ABRAXAS2: variants seen among roughly 807,000 people sequenced by gnomAD.
ABRAXAS2 encodes the protein abraxas 2, BRISC complex subunit, also known as BRISC complex subunit Abraxas 2.
In ABRAXAS2, 23 loss-of-function variants were observed where a neutral mutation model predicts 49.0. The observed-to-expected ratio is 0.47, with a 90% CI of 0.34 to 0.66. ABRAXAS2 has a LOEUF of 0.66. Among genes scored for constraint, ABRAXAS2 ranks in the 30% least tolerant of loss-of-function variants. The pLI is 0.01. For synonymous variants in ABRAXAS2, 168 were observed against 180.2 expected (o/e 0.93, Z 0.54); for missense variants, 443 against 511.9 (o/e 0.87, Z 1.30).
intron 2 of ABRAXAS2, among the ~76,000 whole-genome samples, chr10:124,811,951 A>G (rs189159336): frequency 1.3e-5 from 2 of 151,964 alleles, no homozygotes; most frequent in Admixed American, 6.6e-5. Flanking sequence ...CTAATTTTGT[A>G]TTTTTAGGAG....
Position 124,827,750 on chromosome 10 carries a change from C to CA in ABRAXAS2, c.458+980dup, listed in dbSNP as rs11306353. Among the ~76,000 whole-genome samples the CA allele has an allele frequency of 5.9e-3, 682 of 115,192 alleles. 1 individual carries two copies. Among genetic ancestry groups the CA allele is most frequent in the Non-Finnish European group, 5.8e-3 (308 of 53,484 alleles). 75.6% of individuals were successfully genotyped at this position (115,192 alleles called of 152,430 possible). A position where few individuals can be genotyped will look rare whatever the true frequency, so the allele number is the denominator to read the frequency against. On this transcript the variant is annotated intron_variant, in intron 5 of 8. Coordinates refer to ENST00000298492, the MANE Select transcript of ABRAXAS2 (RefSeq NM_032182.4). ...GTTTTGCATCGTGAACTTGTTAAAC[C>CA]AAAAAAAAAAAAAAACCACCCCTAT...
At chr10:124,825,707 G>T (rs1375243958) in intron 4 of ABRAXAS2, among the ~76,000 whole-genome samples, 1 of 152,098 alleles carries the variant, frequency 6.6e-6, no homozygotes, top group Non-Finnish European at 1.5e-5. Context: ...ACTCAGAGTT[G>T]GTTTCAAAGA....
At chr10:124,819,491 C>G in intron 4 of ABRAXAS2, 41 bp downstream of exon 4, 4 of 1,536,708 alleles carry the variant, frequency 2.6e-6, no homozygotes, top group African/African-American at 1.4e-5. Flanking sequence ...TGAAATCGTT[C>G]CTTATCACCG....
intron 2 of ABRAXAS2, among the ~76,000 whole-genome samples, chr10:124,812,432 G>A (rs115851916): frequency 0.01 from 1,554 of 152,218 alleles, 26 homozygotes; most frequent in African/African-American, 0.036. Context: ...ATTGCTTGAG[G>A]CCAGGAGTTC....
chr10:124,833,174 A>G (rs1261333855), intron 8 of ABRAXAS2, among the ~76,000 whole-genome samples: 1 of 150,000 alleles, frequency 6.7e-6, no homozygotes, highest in Non-Finnish European at 1.5e-5. Flanking sequence ...GAAAGAAAGA[A>G]AGAAAAACTA....
At chr10:124,823,198 G>C (rs1218445535) in intron 4 of ABRAXAS2, among the ~76,000 whole-genome samples, 1 of 152,086 alleles carries the variant, frequency 6.6e-6, no homozygotes, top group Non-Finnish European at 1.5e-5. Context: ...CACAAAGACA[G>C]AGATGATATA....
intron 1 of ABRAXAS2, among the ~76,000 whole-genome samples, chr10:124,804,721 T>TG (rs1177305275): frequency 6.7e-6 from 1 of 149,074 alleles, no homozygotes; most frequent in Non-Finnish European, 1.5e-5. Flanking sequence ...TTCTTTCTTT[T>TG]TTTTTTTTTT....
At chr10:124,804,961 A>G (rs112394364) in intron 1 of ABRAXAS2, among the ~76,000 whole-genome samples, 1 of 151,600 alleles carries the variant, frequency 6.6e-6, no homozygotes, top group Non-Finnish European at 1.5e-5. Context: ...CAGTCCACCC[A>G]CCTTGGCCTC....
chr10:124,814,908 G>A (rs1407097316), intron 2 of ABRAXAS2: 1 of 152,112 alleles, frequency 6.6e-6, no homozygotes, highest in Non-Finnish European at 1.5e-5. Context: ...GCCTCCCAAA[G>A]TGCTGGGATT....
Position 124,835,590 on chromosome 10 carries a change from TA to T in ABRAXAS2, c.*630del, listed in dbSNP as rs887423668. 66 of 146,452 alleles carry T rather than the reference TA, an allele frequency of 4.5e-4. No homozygotes were observed. The highest frequency in any genetic ancestry group is 9.8e-4 in the East Asian group (5 of 5,104). 9.1% of individuals were successfully genotyped at this position (146,452 alleles called of 1,614,324 possible). ...TATTATCACTTAAAATGGTTGCCTT[TA>T]AAAAAAAAAAGTAGAGATACTAATT... is the stretch of plus-strand genomic sequence containing the variant. On this transcript the variant is annotated 3_prime_UTR_variant, in exon 9 of 9. Transcript: ENST00000298492.
chr10:124,806,873 A>T lies in ABRAXAS2; in HGVS notation c.115A>T (p.Ser39Cys). Residue 39 changes from serine (S) to cysteine (C), a missense_variant, in exon 2 of 9, where the codon AGC becomes TGC. By Grantham distance (112) the Ser-to-Cys change is moderately radical (BLOSUM62 -1). This residue lies in a region of ABRAXAS2 where 166 missense variants were observed against 247.3 expected (regional missense o/e 0.67). Coordinates refer to ENST00000298492, the MANE Select transcript of ABRAXAS2 (RefSeq NM_032182.4). ...LGEVRQEETFSISDSQISNTE... is the reference protein window; with the variant it reads ...LGEVRQEETFCISDSQISNTE... ...AGAGGTAAGACAAGAGGAAACGTTT[A>T]GCATCAGTGACTCACAAATCAGCAA... 1.9e-6 allele frequency: 3 copies of T among 1,612,248 alleles called. 1 individual carries two copies. In the East Asian group the frequency reaches 6.7e-5, roughly 36 times the overall value.
In ABRAXAS2 at chr10:124,808,854, G is replaced by A. The variant is rs546130143; in HGVS notation, c.163+1933G>A. 6.9e-4 allele frequency among the ~76,000 whole-genome samples: 105 copies of A among 152,308 alleles called. 3 individuals carry two copies. In the South Asian group the frequency reaches 0.021, roughly 30 times the overall value. On this transcript the variant is annotated intron_variant, in intron 2 of 8. Transcript: ENST00000298492. The stretch of plus-strand genomic sequence containing the variant: ...GGTTTGAAATACTGTTGGCTAGCGG[G>A]GTGCAGTGGCTCATGCCTGTAATCC...
At chr10:124,820,036 C>T (rs1018144642) in intron 4 of ABRAXAS2, among the ~76,000 whole-genome samples, 5 of 152,046 alleles carry the variant, frequency 3.3e-5, no homozygotes, top group Non-Finnish European at 5.9e-5. Flanking sequence ...AAAATAGATC[C>T]GTTACTAACC....
At chr10:124,815,299 A>T (rs1310109990) in intron 2 of ABRAXAS2, among the ~76,000 whole-genome samples, 1 of 151,218 alleles carries the variant, frequency 6.6e-6, no homozygotes, top group African/African-American at 2.4e-5. Context: ...GGTTCACGCC[A>T]TTCTTTTGCC....
At chr10:124,820,264 G>A (rs148906511) in intron 4 of ABRAXAS2, among the ~76,000 whole-genome samples, 2 of 152,118 alleles carry the variant, frequency 1.3e-5, no homozygotes, top group Non-Finnish European at 2.9e-5. Flanking sequence ...AACTCAAGAG[G>A]TGCTCCATCC....
At chr10:124,828,968 C>A in intron 6 of ABRAXAS2, 93 bp downstream of exon 6, 1 of 1,288,688 alleles carries the variant, frequency 7.8e-7, no homozygotes, top group Non-Finnish European at 1.1e-6. Flanking sequence ...AATGTAAAAC[C>A]AAGTTTGATA....
chr10:124,819,483 A>G lies in ABRAXAS2; in HGVS notation c.267+33A>G, dbSNP rs1231516162. The stretch of plus-strand genomic sequence containing the variant: ...CTGTTTGTTGCCCAGTATGATTCTG[A>G]AATCGTTCCTTATCACCGAAAAGAT... On this transcript the variant is annotated intron_variant, in intron 4 of 8. Transcript: ENST00000298492. 9 of 1,583,560 alleles carry G rather than the reference A, an allele frequency of 5.7e-6. No individual in the cohort carries two copies. The South Asian group carries it at 8.9e-5, about 16-fold the overall frequency.
intron 1 of ABRAXAS2, among the ~76,000 whole-genome samples, chr10:124,806,411 C>T (rs189410147): frequency 1.3e-5 from 2 of 152,136 alleles, no homozygotes; most frequent in East Asian, 1.9e-4. Context: ...TGTATAAAAG[C>T]ATTTAGTTGT....
intron 2 of ABRAXAS2, among the ~76,000 whole-genome samples, chr10:124,808,189 T>C (rs1950760737): frequency 6.6e-6 from 1 of 152,078 alleles, no homozygotes; most frequent in Non-Finnish European, 1.5e-5. Flanking sequence ...TTTTTTTTTT[T>C]TTTTGAGACG....
Sources: allele counts gnomAD v4.1 joint callset (sites outside exome capture counted in the v4.1 genomes callset), GRCh38; gene constraint gnomAD v4.1.1; regional missense constraint gnomAD v4.1.1; transcripts MANE v1.5; gene names NCBI Gene and HGNC (gene_info 2026-07-23, HGNC 2026-07-21).